Variants in NRXN3 observed in about 807,000 individuals in gnomAD.
NRXN3 encodes neurexin 3, also known as neurexin III.
NRXN3 carries 32 observed loss-of-function variants against 137.6 expected under a neutral mutation model. That is an observed-to-expected ratio of 0.23 (90% CI 0.18 to 0.31). The LOEUF is 0.31. NRXN3 is among the 10% of genes least tolerant of loss of function. The probability of loss-of-function intolerance (pLI) is 1.00; values close to 1 mark genes in which losing one functional copy is unlikely to be tolerated. For missense variants in NRXN3, 1,574 were observed against 2,062.5 expected, an observed-to-expected ratio of 0.76 and a Z score of 4.59; for synonymous variants, 798 against 784.5, an observed-to-expected ratio of 1.02 and a Z score of -0.29.
intron 15 of NRXN3, among the ~76,000 whole-genome samples, chr14:79,174,459 T>TA (rs1380181251): frequency 1.3e-5 from 2 of 149,868 alleles, no homozygotes; most frequent in African/African-American, 2.4e-5. Flanking sequence ...AGCTTTTTTT[T>TA]AAAAAAGATT....
At chr14:78,237,390 C>G (rs903568262) in intron 1 of NRXN3, among the ~76,000 whole-genome samples, 11 of 152,202 alleles carry the variant, frequency 7.2e-5, no homozygotes, top group Non-Finnish European at 1.5e-4. Flanking sequence ...GGTGTTAACA[C>G]CACTAGAAAT....
chr14:78,246,378 T>G (rs1411075409), intron 2 of NRXN3, among the ~76,000 whole-genome samples: 2 of 151,432 alleles, frequency 1.3e-5, no homozygotes, highest in African/African-American at 4.9e-5. Flanking sequence ...TTAATAATTG[T>G]TTTTTTTTCC....
intron 1 of NRXN3, among the ~76,000 whole-genome samples, chr14:78,182,616 G>A (rs184925338): frequency 1.5e-4 from 22 of 151,250 alleles, no homozygotes; most frequent in African/African-American, 5.1e-4. Flanking sequence ...ATTACAGGCA[G>A]TGCCACCAAG....
chr14:78,670,513 GC>G (rs1331126977), intron 6 of NRXN3, among the ~76,000 whole-genome samples: 1 of 152,130 alleles, frequency 6.6e-6, no homozygotes, highest in African/African-American at 2.4e-5. Context: ...GTTTTACCCA[GC>G]CCCTATTCAA....
chr14:78,295,721 G>A (rs939224061), intron 3 of NRXN3, among the ~76,000 whole-genome samples: 1 of 152,088 alleles, frequency 6.6e-6, no homozygotes. Flanking sequence ...CAGGATCTTC[G>A]TTTTTTAATA....
chr14:78,316,748 A>G (rs1374684052), intron 4 of NRXN3, among the ~76,000 whole-genome samples: 1 of 152,196 alleles, frequency 6.6e-6, no homozygotes, highest in Non-Finnish European at 1.5e-5. Context: ...GTTTCTAAAA[A>G]GTCCAGTAAC....
rs374275388 is a variant in NRXN3 at position 78,243,235 on chromosome 14, C to T, written c.142C>T (p.Arg48Cys). The change falls in exon 2 of 21, where the codon CGC becomes TGC. Residue 48 changes from arginine to cysteine, a missense_variant. Physicochemically the swap from Arg to Cys is radical, Grantham distance 180 (BLOSUM62 -3). Coordinates refer to ENST00000335750, the MANE Select transcript of NRXN3 (RefSeq NM_001330195.2). The surrounding 1 kb of genome is among the most constrained non-coding windows in gnomAD (Gnocchi z 4.2). ...CTACCTCCGCTGGGATGCCAGCACA[C>T]GCAGTGACCTGAGTTTCCAGTTCAA... ...ARYLRWDAST[R>C]SDLSFQFKTN... The T allele has an allele frequency of 3.5e-5, 54 of 1,552,930 alleles. No individual in the cohort carries two copies. The highest frequency in any genetic ancestry group is 1.3e-4 in the Admixed American group (7 of 53,150).
intron 10 of NRXN3, among the ~76,000 whole-genome samples, chr14:78,943,510 G>T (rs2099357146): frequency 6.7e-6 from 1 of 149,518 alleles, no homozygotes; most frequent in South Asian, 2.1e-4. Flanking sequence ...AAAGAGGCAG[G>T]GTTATGAGGA....
At chr14:79,034,359 C>CAG (rs142065224) in intron 15 of NRXN3, among the ~76,000 whole-genome samples, 6,435 of 151,502 alleles carry the variant, frequency 0.042, 526 homozygotes, top group African/African-American at 0.15. Flanking sequence ...TACACACACA[C>CAG]ACACACACAC....
chr14:78,311,100 G>A (rs1005720244), intron 4 of NRXN3, among the ~76,000 whole-genome samples: 21 of 152,112 alleles, frequency 1.4e-4, no homozygotes, highest in African/African-American at 5.1e-4. Flanking sequence ...TTCTGGCTAA[G>A]AATTGATACA....
At chr14:79,700,624 A>C (rs557084678) in intron 19 of NRXN3, among the ~76,000 whole-genome samples, 1 of 152,172 alleles carries the variant, frequency 6.6e-6, no homozygotes, top group East Asian at 1.9e-4. Flanking sequence ...GGTCAACCTG[A>C]GGTAGTGTTG....
intron 4 of NRXN3, among the ~76,000 whole-genome samples, chr14:78,471,939 C>A (rs1195213225): frequency 2.6e-5 from 4 of 152,178 alleles, no homozygotes; most frequent in Non-Finnish European, 5.9e-5. Flanking sequence ...GTCAAACCTA[C>A]CTTTCTGATT....
At chr14:78,983,037 G>T (rs2099493443) in intron 14 of NRXN3, among the ~76,000 whole-genome samples, 2 of 152,064 alleles carry the variant, frequency 1.3e-5, no homozygotes, top group Non-Finnish European at 2.9e-5. Flanking sequence ...TGAAAAAAAT[G>T]CTCAACATCA....
chr14:78,465,646 T>A (rs1033432424), intron 4 of NRXN3, among the ~76,000 whole-genome samples: 3 of 151,922 alleles, frequency 2.0e-5, no homozygotes, highest in African/African-American at 7.3e-5. Flanking sequence ...CAAACAGTTC[T>A]CCTGCCTCAC....
chr14:78,229,743 G>T (rs7147602), intron 1 of NRXN3, among the ~76,000 whole-genome samples: 2,952 of 152,222 alleles, frequency 0.019, 82 homozygotes, highest in African/African-American at 0.066. Flanking sequence ...GCCTGGGAGG[G>T]TCTGAAGTGT....
chr14:79,255,476 T>G (rs928721746), intron 15 of NRXN3, among the ~76,000 whole-genome samples: 2 of 152,230 alleles, frequency 1.3e-5, no homozygotes, highest in Non-Finnish European at 2.9e-5. Context: ...AATCCCTGTG[T>G]GACCTTGGGC....
At chr14:78,729,979 C>G (rs980845739) in intron 8 of NRXN3, among the ~76,000 whole-genome samples, 1 of 152,152 alleles carries the variant, frequency 6.6e-6, no homozygotes, top group Non-Finnish European at 1.5e-5. Context: ...TTAGTACCTG[C>G]TAGACATCTA....
At chr14:78,735,023 A>T (rs1343872902) in intron 8 of NRXN3, among the ~76,000 whole-genome samples, 1 of 152,214 alleles carries the variant, frequency 6.6e-6, no homozygotes, top group Non-Finnish European at 1.5e-5. Context: ...GGATTGGAGA[A>T]GCATAAGAAT....
At chr14:79,849,313 G>C (rs936536892) in intron 20 of NRXN3, among the ~76,000 whole-genome samples, 2 of 152,022 alleles carry the variant, frequency 1.3e-5, no homozygotes, top group Admixed American at 1.3e-4. Context: ...ACAATGAAAA[G>C]GTAGCCCACA....
Sources: allele counts gnomAD v4.1 joint callset (sites outside exome capture counted in the v4.1 genomes callset), GRCh38; gene constraint gnomAD v4.1.1; non-coding constraint Gnocchi (gnomAD v3.1); transcripts MANE v1.5; gene names NCBI Gene and HGNC (gene_info 2026-07-23, HGNC 2026-07-21).